Variants in CCR5AS observed in about 807,000 individuals in gnomAD.
CCR5AS encodes CCR5 antisense RNA.
chr3:46,368,374 A>G (rs1187568113), intron 3 of CCR5AS, among the ~76,000 whole-genome samples: 1 of 152,254 alleles, frequency 6.6e-6, no homozygotes, highest in Non-Finnish European at 1.5e-5. Context: ...AAGTCACAGC[A>G]TGATAAGCTG....
intron 2 of CCR5AS, among the ~76,000 whole-genome samples, chr3:46,391,870 G>A (rs542498767): frequency 6.6e-6 from 1 of 152,108 alleles, no homozygotes; most frequent in Non-Finnish European, 1.5e-5. Context: ...AGAAAAGGAG[G>A]ATTCAAAGGA....
chr3:46,382,419 C>A (rs1206513091), intron 2 of CCR5AS, among the ~76,000 whole-genome samples: 6 of 152,100 alleles, frequency 3.9e-5, no homozygotes, highest in Non-Finnish European at 8.8e-5. Flanking sequence ...GGAACCCCCT[C>A]CTGCACGAGA....
intron 3 of CCR5AS, among the ~76,000 whole-genome samples, chr3:46,367,334 A>T (rs1326370297): frequency 6.6e-6 from 1 of 151,296 alleles, no homozygotes; most frequent in Non-Finnish European, 1.5e-5. Context: ...TTTTAATAAT[A>T]TAGGAAAATG....
At chr3:46,402,213 G>T (rs1362559126) in intron 1 of CCR5AS, among the ~76,000 whole-genome samples, 2 of 152,144 alleles carry the variant, frequency 1.3e-5, no homozygotes, top group African/African-American at 4.8e-5. Context: ...TATTTCCAGG[G>T]TGGATTATCA....
chr3:46,382,155 A>G (rs1239555093), intron 2 of CCR5AS, among the ~76,000 whole-genome samples: 4 of 152,272 alleles, frequency 2.6e-5, no homozygotes, highest in Admixed American at 2.6e-4. Context: ...GGCATGTTCA[A>G]CATGGATTCT....
At chr3:46,386,194 G>A (rs113087480) in intron 2 of CCR5AS, among the ~76,000 whole-genome samples, 38 of 152,200 alleles carry the variant, frequency 2.5e-4, no homozygotes, top group African/African-American at 8.4e-4. Flanking sequence ...AGGATTACAG[G>A]AATGAGCCAC....
At chr3:46,397,423 G>A (rs1047661449) in intron 1 of CCR5AS, among the ~76,000 whole-genome samples, 1 of 152,230 alleles carries the variant, frequency 6.6e-6, no homozygotes, top group African/African-American at 2.4e-5. Flanking sequence ...CAACTGAGGT[G>A]AGTTTAATGA....
At chr3:46,375,643 C>A (rs760628369) in intron 2 of CCR5AS, 1 of 162,818 alleles carries the variant, frequency 6.1e-6, no homozygotes, top group African/African-American at 2.5e-5. Flanking sequence ...TACCAGCCTC[C>A]GTATTTCAGA....
At chr3:46,394,938 G>T (rs556139986) in intron 1 of CCR5AS, among the ~76,000 whole-genome samples, 1 of 152,216 alleles carries the variant, frequency 6.6e-6, no homozygotes, top group Non-Finnish European at 1.5e-5. Flanking sequence ...TCAAGATAGG[G>T]AGTAGATTCC....
chr3:46,393,094 T>C (rs1701926737), intron 1 of CCR5AS: 1 of 152,154 alleles, frequency 6.6e-6, no homozygotes, highest in Non-Finnish European at 1.5e-5. Flanking sequence ...TTGGGGTGGT[T>C]CTATAGGATT....
chr3:46,380,827 G>A (rs1376257721), intron 2 of CCR5AS, among the ~76,000 whole-genome samples: 1 of 152,198 alleles, frequency 6.6e-6, no homozygotes, highest in African/African-American at 2.4e-5. Context: ...CTGCCCTGTG[G>A]TTCCCCACTG....
chr3:46,393,644 A>G (rs2106773113), intron 1 of CCR5AS, among the ~76,000 whole-genome samples: 1 of 152,320 alleles, frequency 6.6e-6, no homozygotes, highest in South Asian at 2.1e-4. Context: ...CTAGGGTTAC[A>G]ACAGCGCACA....
intron 1 of CCR5AS, among the ~76,000 whole-genome samples, chr3:46,406,481 C>G (rs11574435): frequency 6.6e-6 from 1 of 151,858 alleles, no homozygotes; most frequent in African/African-American, 2.4e-5. Flanking sequence ...CATTCCAAAT[C>G]TGGGCTGTTC....
At chr3:46,378,071 G>A (rs1701780487) in intron 2 of CCR5AS, among the ~76,000 whole-genome samples, 1 of 152,132 alleles carries the variant, frequency 6.6e-6, no homozygotes, top group South Asian at 2.1e-4. Flanking sequence ...CTTACTTATT[G>A]TCAGAGTACG....
intron 2 of CCR5AS, chr3:46,373,099 A>G: frequency 5.6e-6 from 9 of 1,614,142 alleles, no homozygotes; most frequent in Non-Finnish European, 6.8e-6. Context: ...AGCATGACTG[A>G]CATCTACCTG....
intron 2 of CCR5AS, among the ~76,000 whole-genome samples, chr3:46,389,771 G>A (rs1461527745): frequency 2.0e-5 from 3 of 152,136 alleles, no homozygotes; most frequent in South Asian, 2.1e-4. Flanking sequence ...AGCAAAGCCC[G>A]GTATCCAAAG....
chr3:46,370,326 T>G (rs138621551), intron 3 of CCR5AS, among the ~76,000 whole-genome samples: 21 of 149,542 alleles, frequency 1.4e-4, no homozygotes, highest in African/African-American at 4.7e-4. Flanking sequence ...AGCCCATAGT[T>G]AAAACTCTTT....
In CCR5AS at chr3:46,373,332, T is replaced by A. The variant is rs756257015; in HGVS notation, n.392-1915A>T. The A allele has an allele frequency of 2.5e-6, 4 of 1,614,054 alleles. No homozygotes were observed. The African/African-American group carries it at 5.3e-5, about 22-fold the overall frequency. On this transcript the variant is annotated intron_variant and non_coding_transcript_variant, in intron 2 of 3. Coordinates refer to ENST00000451485, the Ensembl canonical transcript of CCR5AS. ...TGCTTTAAAAGCCAGGACGGTCACCTTTGGGGTGGTGACAAGTGTGATCAC... is the reference window on the plus strand; with the variant it reads ...TGCTTTAAAAGCCAGGACGGTCACCATTGGGGTGGTGACAAGTGTGATCAC...
chr3:46,385,055 C>T (rs1046017347), intron 2 of CCR5AS, among the ~76,000 whole-genome samples: 1 of 152,148 alleles, frequency 6.6e-6, no homozygotes, highest in Non-Finnish European at 1.5e-5. Context: ...CCCCTCTGCT[C>T]TGCCCTCCAC....
Sources: allele counts gnomAD v4.1 joint callset (sites outside exome capture counted in the v4.1 genomes callset), GRCh38; gene constraint gnomAD v4.1.1; transcripts MANE v1.5; gene names NCBI Gene and HGNC (gene_info 2026-07-23, HGNC 2026-07-21).